The following ZFHX3 variants were observed in gnomAD, a reference collection of about 807,000 sequenced individuals.
The protein encoded by ZFHX3 is zinc finger homeobox 3, also known as zinc finger homeobox protein 3.
Under a neutral mutation model 279.1 loss-of-function variants are expected in ZFHX3, and 42 were observed. The ratio of observed to expected loss-of-function variants is 0.15; its 90% CI spans 0.12 to 0.19. ZFHX3 has a LOEUF of 0.19. Among genes scored for constraint, ZFHX3 ranks in the 10% least tolerant of loss-of-function variants. The pLI, the probability that ZFHX3 is intolerant of heterozygous loss-of-function variation, is 1.00. For missense variants in ZFHX3, 4,981 were observed against 4,754.0 expected (o/e 1.05, Z -1.40); for synonymous variants, 2,293 against 1,957.8 (o/e 1.17, Z -4.52).
intron 3 of ZFHX3, among the ~76,000 whole-genome samples, chr16:73,408,621 G>A (rs559287386): frequency 2.0e-5 from 3 of 152,282 alleles, no homozygotes; most frequent in South Asian, 2.1e-4. Flanking sequence ...CGAGCAGAGC[G>A]GGGCTTTGGA....
At chr16:73,053,973 C>T (rs1461616645) in intron 1 of ZFHX3, among the ~76,000 whole-genome samples, 1 of 150,592 alleles carries the variant, frequency 6.6e-6, no homozygotes, top group Non-Finnish European at 1.5e-5. Flanking sequence ...AGGGTCGACA[C>T]ATCAGCAGCC....
intron 4 of ZFHX3, among the ~76,000 whole-genome samples, chr16:72,865,796 C>G (rs1367994465): frequency 6.6e-6 from 1 of 152,146 alleles, no homozygotes; most frequent in Admixed American, 6.5e-5. Flanking sequence ...CAGAGAAGCC[C>G]TCTGTGGGGC....
intron 1 of ZFHX3, among the ~76,000 whole-genome samples, chr16:73,845,621 C>T (rs1320858384): frequency 1.3e-5 from 2 of 152,080 alleles, no homozygotes; most frequent in Non-Finnish European, 2.9e-5. Context: ...TCTATTTACT[C>T]TCTTCTGATG....
At chr16:73,146,366 T>G (rs1473006987) in intron 5 of ZFHX3, among the ~76,000 whole-genome samples, 3 of 151,592 alleles carry the variant, frequency 2.0e-5, no homozygotes. Context: ...AGGCGGAGGT[T>G]GCAGTGAGCC....
At chr16:73,888,140 C>T (rs540343518) in intron 1 of ZFHX3, among the ~76,000 whole-genome samples, 149 of 152,252 alleles carry the variant, frequency 9.8e-4, no homozygotes, top group Non-Finnish European at 1.8e-3. Flanking sequence ...ATCACCGAGG[C>T]CTGGCAATGG....
intron 7 of ZFHX3, among the ~76,000 whole-genome samples, chr16:73,097,212 C>T (rs574261816): frequency 6.6e-6 from 1 of 150,756 alleles, no homozygotes; most frequent in Non-Finnish European, 1.5e-5. Flanking sequence ...TGCCTCCTCA[C>T]CACACCCAGC....
intron 1 of ZFHX3, among the ~76,000 whole-genome samples, chr16:73,039,338 T>C (rs1965026516): frequency 6.6e-6 from 1 of 152,136 alleles, no homozygotes; most frequent in South Asian, 2.1e-4. Context: ...TGGAATCACA[T>C]ACGCAGAGGC....
At chr16:73,052,184 T>G (rs971666614), upstream of ZFHX3, among the ~76,000 whole-genome samples, 1 of 151,400 alleles carries the variant, frequency 6.6e-6, no homozygotes, top group African/African-American at 2.4e-5. Flanking sequence ...AAATGGGCGA[T>G]GGGATACTGC....
chr16:73,043,432 CTA>C (rs1965185098), intron 1 of ZFHX3, among the ~76,000 whole-genome samples: 1 of 152,182 alleles, frequency 6.6e-6, no homozygotes, highest in Non-Finnish European at 1.5e-5. Flanking sequence ...CGCAAACTTT[CTA>C]TGTCTCCCTC....
intron 7 of ZFHX3, among the ~76,000 whole-genome samples, chr16:73,119,770 A>G (rs1175021384): frequency 3.9e-5 from 6 of 152,134 alleles, no homozygotes; most frequent in Admixed American, 3.9e-4. Context: ...GCAGCCTTGA[A>G]TTCCTGAGTT....
At chr16:73,441,478 A>G (rs2018091500) in intron 3 of ZFHX3, among the ~76,000 whole-genome samples, 1 of 152,182 alleles carries the variant, frequency 6.6e-6, no homozygotes, top group Admixed American at 6.6e-5. Context: ...ATCAATCAAC[A>G]GATGTTCCCT....
chr16:73,039,188 G>A (rs1303168590), intron 1 of ZFHX3, among the ~76,000 whole-genome samples: 1 of 151,602 alleles, frequency 6.6e-6, no homozygotes, highest in East Asian at 1.9e-4. Flanking sequence ...AAGCCCCTGA[G>A]CTCAAGCAAT....
chr16:73,381,038 A>G (rs1452926131), intron 3 of ZFHX3, among the ~76,000 whole-genome samples: 1 of 152,098 alleles, frequency 6.6e-6, no homozygotes, highest in Non-Finnish European at 1.5e-5. Flanking sequence ...GTTAACCACT[A>G]TTTTACTAGT....
chr16:73,824,079 T>C (rs538292381), intron 1 of ZFHX3, among the ~76,000 whole-genome samples: 264 of 152,284 alleles, frequency 1.7e-3, no homozygotes, highest in African/African-American at 5.9e-3. Flanking sequence ...ACGAAAACGA[T>C]GTGCTCAAAT....
intron 2 of ZFHX3, among the ~76,000 whole-genome samples, chr16:73,562,595 C>CAAAAAAA (rs35887424): frequency 2.0e-5 from 2 of 102,328 alleles, no homozygotes; most frequent in African/African-American, 7.6e-5. Context: ...GACTCCGTCT[C>CAAAAAAA]AAAAAAAAAA....
chr16:73,313,390 A>T (rs575052677), intron 4 of ZFHX3, among the ~76,000 whole-genome samples: 45 of 152,342 alleles, frequency 3.0e-4, no homozygotes, highest in African/African-American at 9.9e-4. Context: ...AGTCATCATC[A>T]TCACAACCAC....
At chr16:73,253,291 G>C (rs555460279) in intron 5 of ZFHX3, among the ~76,000 whole-genome samples, 1 of 152,182 alleles carries the variant, frequency 6.6e-6, no homozygotes, top group South Asian at 2.1e-4. Context: ...CAGCAAGAGT[G>C]TGGGTGTAAT....
chr16:73,777,188 G>C (rs1959278220), intron 1 of ZFHX3, among the ~76,000 whole-genome samples: 1 of 152,012 alleles, frequency 6.6e-6, no homozygotes, highest in African/African-American at 2.4e-5. Flanking sequence ...CCACTCCCTG[G>C]ATCAATGAGC....
At chr16:72,848,592 C>G (rs879900598) in intron 4 of ZFHX3, among the ~76,000 whole-genome samples, 9 of 151,980 alleles carry the variant, frequency 5.9e-5, no homozygotes, top group Non-Finnish European at 1.2e-4. Context: ...AAGTCAGACC[C>G]CTTCGGCGGC....
Sources: gnomAD v4.1 joint callset for allele counts (sites outside exome capture counted in the v4.1 genomes callset) on GRCh38, gnomAD v4.1.1 for gene constraint, MANE v1.5 for transcripts, NCBI Gene and HGNC (gene_info 2026-07-23, HGNC 2026-07-21) for gene names.